The following ITPR1 variants were observed in gnomAD, a reference collection of about 807,000 sequenced individuals.
ITPR1 encodes inositol 1,4,5-trisphosphate-gated calcium channel ITPR1.
A neutral mutation model predicts 318.4 loss-of-function variants in ITPR1; 96 were observed. That is an observed-to-expected ratio of 0.30 (90% CI 0.26 to 0.36). The LOEUF is 0.36. Among genes scored for constraint, ITPR1 ranks in the 10% least tolerant of loss-of-function variants. The probability of loss-of-function intolerance (pLI) is 1.00; values close to 1 mark genes in which losing one functional copy is unlikely to be tolerated. For synonymous variants in ITPR1, 1,312 were observed against 1,289.9 expected, an observed-to-expected ratio of 1.02 and a Z score of -0.37; for missense variants, 2,440 against 3,460.2, an observed-to-expected ratio of 0.71 and a Z score of 7.40.
intron 32 of ITPR1, among the ~76,000 whole-genome samples, chr3:4,693,270 T>G (rs1027792802): frequency 6.6e-6 from 1 of 152,218 alleles, no homozygotes; most frequent in Non-Finnish European, 1.5e-5. Flanking sequence ...CCTAATAGCT[T>G]TCTAGGGCCA....
At chr3:4,523,138 C>G (rs1398790016) in intron 4 of ITPR1, among the ~76,000 whole-genome samples, 2 of 152,068 alleles carry the variant, frequency 1.3e-5, no homozygotes, top group East Asian at 1.9e-4. Context: ...CAGCTGGGAC[C>G]AAGGGGAGGG....
chr3:4,640,733 T>C (rs2093318045), intron 6 of ITPR1, among the ~76,000 whole-genome samples: 1 of 152,244 alleles, frequency 6.6e-6, no homozygotes, highest in Non-Finnish European at 1.5e-5. Flanking sequence ...TGGCATCTGC[T>C]CTTTAGGATG....
chr3:4,817,965 C>A (rs2049418283), intron 59 of ITPR1, 117 bp from the exon 60 acceptor site: 2 of 769,250 alleles, frequency 2.6e-6, no homozygotes, highest in African/African-American at 1.8e-5. Context: ...GAATCCAACT[C>A]TTTATAAAGA....
chr3:4,709,795 T>G (rs182868422), intron 37 of ITPR1, among the ~76,000 whole-genome samples: 2 of 152,376 alleles, frequency 1.3e-5, no homozygotes, highest in Admixed American at 1.3e-4. Context: ...TGTATGACTT[T>G]ATTATGTGAA....
chr3:4,608,711 A>T (rs1467154244), intron 4 of ITPR1, among the ~76,000 whole-genome samples: 4 of 151,980 alleles, frequency 2.6e-5, no homozygotes, highest in African/African-American at 9.7e-5. Context: ...CACCCAAAAT[A>T]TCAGTGGTGC....
chr3:4,625,399 A>T (rs150829685), intron 4 of ITPR1, among the ~76,000 whole-genome samples: 1 of 152,158 alleles, frequency 6.6e-6, no homozygotes, highest in Admixed American at 6.5e-5. Context: ...CTAGGACAAT[A>T]GCTAGGTATT....
Position 4,493,406 on chromosome 3 carries a change from AGAG to A in ITPR1, c.-278_-276del, listed in dbSNP as rs560449083. ...TCCTCAAGCTCGCTGGGGTGGGAGG[AGAG>A]GAGGAGGAGGAGGTGGTGGTGGAGG... On this transcript the variant is annotated 5_prime_UTR_variant, in exon 1 of 62. Coordinates refer to ENST00000649015, the MANE Select transcript of ITPR1 (RefSeq NM_001378452.1). The A allele has an allele frequency of 1.2e-4, 18 of 154,006 alleles. No homozygotes were observed. The highest frequency in any genetic ancestry group is 3.5e-4 in the South Asian group (2 of 5,640). 9.5% of individuals were successfully genotyped at this position (154,006 alleles called of 1,614,324 possible). A position where few individuals can be genotyped will look rare whatever the true frequency, so the allele number is the denominator to read the frequency against.
intron 58 of ITPR1, 46 bp downstream of exon 58, chr3:4,814,608 G>A: frequency 8.6e-7 from 1 of 1,159,010 alleles, no homozygotes. Flanking sequence ...GGCGGGTGGG[G>A]TGGTTGGTGG....
Position 4,712,543 on chromosome 3 carries a change from T to A in ITPR1, c.5103+675T>A, listed in dbSNP as rs2041458708. Among the ~76,000 whole-genome samples the A allele has an allele frequency of 2.6e-5, 4 of 152,344 alleles. No homozygotes were observed. In the South Asian group the frequency reaches 8.3e-4, roughly 32 times the overall value. ...ACTCATTTTCATTTGAAGGTAATAA[T>A]GTTCAGTAACGGTCAGCTAGCTACA... is the stretch of plus-strand genomic sequence containing the variant. On this transcript the variant is annotated intron_variant, in intron 39 of 61. Transcript: ENST00000649015.
rs188667438 is a variant in ITPR1 at position 4,707,342 on chromosome 3, C to T, written c.4842+991C>T. On this transcript the variant is annotated intron_variant, in intron 37 of 61. Transcript: ENST00000649015. ...GACTGCGGTTGGACTCATCTTGACA[C>T]CTTGCTCACTCGCATATTTGGCAGT... 1.1e-4 allele frequency among the ~76,000 whole-genome samples: 16 copies of T among 152,322 alleles called. No individual in the cohort carries two copies. In the East Asian group the frequency reaches 3.1e-3, roughly 29 times the overall value.
At chr3:4,807,048 C>G (rs761760330) in intron 55 of ITPR1, among the ~76,000 whole-genome samples, 1 of 148,900 alleles carries the variant, frequency 6.7e-6, no homozygotes, top group Non-Finnish European at 1.5e-5. Context: ...TGATCAAGGC[C>G]TAAGGGTTGG....
rs373173444 is a variant in ITPR1, at chr3:4,676,584, G to A, written c.2780-30G>A. On this transcript the variant is annotated intron_variant, in intron 23 of 61. Transcript: ENST00000649015. Reference sequence around the variant, plus strand: ...CCTCTGAGCATTCTCTAGAGACATTGTGACCGTGGTCTCTCCTGGCCTTTC... The same window carrying A: ...CCTCTGAGCATTCTCTAGAGACATTATGACCGTGGTCTCTCCTGGCCTTTC... 2,006 of 1,590,454 alleles carry A rather than the reference G, an allele frequency of 1.3e-3. 4 individuals carry two copies. The highest frequency in any genetic ancestry group is 1.5e-3 in the Non-Finnish European group (1,730 of 1,161,198).
chr3:4,814,657 C>T (rs934414019), intron 58 of ITPR1, 95 bp downstream of exon 58: 179 of 1,151,206 alleles, frequency 1.6e-4, no homozygotes, highest in Middle Eastern at 2.9e-4. Flanking sequence ...ACTGAAGACG[C>T]AGAGGAAGAG....
chr3:4,610,649 A>G (rs2686618), intron 4 of ITPR1, among the ~76,000 whole-genome samples: 123 of 152,220 alleles, frequency 8.1e-4, no homozygotes, highest in African/African-American at 2.8e-3. Context: ...CTGAGGATGT[A>G]GAGTTCTCCT....
chr3:4,498,340 A>G (rs1031537811), intron 2 of ITPR1, among the ~76,000 whole-genome samples: 1 of 152,222 alleles, frequency 6.6e-6, no homozygotes, highest in Non-Finnish European at 1.5e-5. Flanking sequence ...TGTAGCTGTC[A>G]GGGAAAAAGT....
At chr3:4,845,361 G>GT (rs1395859013) in intron 61 of ITPR1, among the ~76,000 whole-genome samples, 1 of 152,196 alleles carries the variant, frequency 6.6e-6, no homozygotes, top group South Asian at 2.1e-4. Flanking sequence ...AGAGACAGAA[G>GT]TAAGTATGCC....
intron 24 of ITPR1, among the ~76,000 whole-genome samples, chr3:4,678,974 C>T (rs1366511757): frequency 4.6e-5 from 7 of 152,080 alleles, no homozygotes; most frequent in African/African-American, 7.2e-5. Context: ...AGTCTTCAAG[C>T]GGGAGCTTAA....
intron 44 of ITPR1, among the ~76,000 whole-genome samples, chr3:4,763,608 C>T (rs963725109): frequency 1.3e-5 from 2 of 152,190 alleles, no homozygotes; most frequent in African/African-American, 4.8e-5. Flanking sequence ...CCTTATTATC[C>T]ATTTTATTAT....
chr3:4,726,695 C>T (rs2042541699), intron 41 of ITPR1, among the ~76,000 whole-genome samples: 1 of 152,118 alleles, frequency 6.6e-6, no homozygotes, highest in African/African-American at 2.4e-5. Context: ...AGCCGTGGTC[C>T]CATATCTGTG....
Sources: gnomAD v4.1 joint callset for allele counts (sites outside exome capture counted in the v4.1 genomes callset) on GRCh38, gnomAD v4.1.1 for gene constraint, MANE v1.5 for transcripts, NCBI Gene and HGNC (gene_info 2026-07-23, HGNC 2026-07-21) for gene names.